Variants in MYCBP2 observed in about 807,000 individuals in gnomAD.
The protein encoded by MYCBP2 is E3 ubiquitin-protein ligase MYCBP2.
MYCBP2 carries 120 observed loss-of-function variants against 525.3 expected under a neutral mutation model. The ratio of observed to expected loss-of-function variants is 0.23; its 90% confidence interval spans 0.20 to 0.27. MYCBP2 has a LOEUF of 0.27. Ranked by LOEUF, MYCBP2 falls within the 10% of genes least tolerant of loss-of-function variation. The probability of loss-of-function intolerance (pLI) is 1.00; values close to 1 mark genes in which losing one functional copy is unlikely to be tolerated. For missense variants in MYCBP2, 4,149 were observed against 5,657.1 expected (o/e 0.73, Z 8.55); for synonymous variants, 1,894 against 1,955.8 (o/e 0.97, Z 0.83).
At chr13:77,065,868 T>C in intron 72 of MYCBP2, 124 bp downstream of exon 72, 1 of 562,228 alleles carries the variant, frequency 1.8e-6, no homozygotes, top group South Asian at 3.7e-5. Context: ...ATAGTTAACA[T>C]ACTACAAATA....
chr13:77,289,699 G>A (rs1014556075), intron 2 of MYCBP2, among the ~76,000 whole-genome samples: 1 of 151,818 alleles, frequency 6.6e-6, no homozygotes. Context: ...CTAGTGCAAG[G>A]AAAATATCCT....
chr13:77,309,852 G>T (rs1049873663), intron 1 of MYCBP2, among the ~76,000 whole-genome samples: 2 of 152,118 alleles, frequency 1.3e-5, no homozygotes, highest in South Asian at 4.1e-4. Context: ...AGTGGCTCAC[G>T]CCTGTAATCT....
chr13:77,109,443 G>T (rs1264414415), intron 55 of MYCBP2, among the ~76,000 whole-genome samples: 5 of 152,208 alleles, frequency 3.3e-5, no homozygotes, highest in African/African-American at 1.2e-4. Context: ...GTTCCTAACA[G>T]GCCTTGGACC....
At chr13:77,270,745 T>C (rs2074760052) in intron 5 of MYCBP2, among the ~76,000 whole-genome samples, 1 of 152,190 alleles carries the variant, frequency 6.6e-6, no homozygotes, top group Non-Finnish European at 1.5e-5. Context: ...TGGGATTCCA[T>C]GTCATTCACC....
At chr13:77,288,055 T>G in intron 3 of MYCBP2, 106 bp downstream of exon 3, 1 of 1,142,982 alleles carries the variant, frequency 8.7e-7, no homozygotes, top group Non-Finnish European at 1.2e-6. Flanking sequence ...ATTTTTAGTG[T>G]GCAATTTTAC....
rs1306291053 is a variant in MYCBP2, at chr13:77,185,312, A to C, written c.4510T>G (p.Leu1504Val). 4 of 1,613,884 alleles carry C rather than the reference A, an allele frequency of 2.5e-6. No individual in the cohort carries two copies. Among genetic ancestry groups the C allele is most frequent in the Non-Finnish European group, 3.4e-6 (4 of 1,180,002 alleles). Residue 1504 changes from leucine to valine, a missense_variant, in exon 32 of 83, where the codon TTG becomes GTG. By Grantham distance (32) the Leu-to-Val change is conservative (BLOSUM62 1). Coordinates refer to ENST00000544440, the MANE Select transcript of MYCBP2 (RefSeq NM_015057.5). The stretch of plus-strand genomic sequence containing the variant: ...CCTTCTGATAAAATTTTTCTTAACA[A>C]AGTTCTGGTTTTTCCAATACACTCT... ...LAECIGKTRTLLRKILSEGVD... is the reference protein window; with the variant it reads ...LAECIGKTRTVLRKILSEGVD...
intron 80 of MYCBP2, among the ~76,000 whole-genome samples, chr13:77,053,069 T>C (rs550431946): frequency 1.3e-5 from 2 of 150,484 alleles, no homozygotes; most frequent in South Asian, 4.2e-4. Flanking sequence ...GCCCAGGAGG[T>C]GGAGGCTGCA....
intron 4 of MYCBP2, among the ~76,000 whole-genome samples, chr13:77,275,199 TA>T (rs1418477560): frequency 6.6e-6 from 1 of 152,304 alleles, no homozygotes; most frequent in Non-Finnish European, 1.5e-5. Flanking sequence ...TTTAAACAAA[TA>T]ATTTAAGAAA....
chr13:77,296,205 A>T (rs754402179), intron 2 of MYCBP2, among the ~76,000 whole-genome samples: 4 of 152,128 alleles, frequency 2.6e-5, no homozygotes, highest in Non-Finnish European at 4.4e-5. Flanking sequence ...GGATTGCTTG[A>T]GCCCACGAGT....
chr13:77,280,267 G>C (rs1012985221), intron 3 of MYCBP2, among the ~76,000 whole-genome samples: 15 of 152,142 alleles, frequency 9.9e-5, no homozygotes, highest in African/African-American at 3.6e-4. Context: ...CTTGATTATA[G>C]CTAATATTAC....
intron 55 of MYCBP2, among the ~76,000 whole-genome samples, chr13:77,121,065 C>A (rs2050608726): frequency 6.6e-6 from 1 of 151,684 alleles, no homozygotes; most frequent in African/African-American, 2.4e-5. Context: ...TGATAAAAAT[C>A]AAATTTTACT....
chr13:77,130,776 A>G (rs1226314032), intron 52 of MYCBP2, among the ~76,000 whole-genome samples: 1 of 152,150 alleles, frequency 6.6e-6, no homozygotes, highest in African/African-American at 2.4e-5. Flanking sequence ...ACATAAAACA[A>G]TATCACTTTT....
intron 82 of MYCBP2, among the ~76,000 whole-genome samples, chr13:77,049,015 A>T (rs1417614137): frequency 6.6e-6 from 1 of 152,220 alleles, no homozygotes; most frequent in Admixed American, 6.5e-5. Flanking sequence ...AAGCTCCTCC[A>T]GGTCATATGG....
intron 52 of MYCBP2, among the ~76,000 whole-genome samples, chr13:77,133,222 G>A (rs1566652070): frequency 6.6e-6 from 1 of 152,044 alleles, no homozygotes; most frequent in Non-Finnish European, 1.5e-5. Flanking sequence ...TGTGATCCTG[G>A]GTGAGTGGCT....
intron 56 of MYCBP2, among the ~76,000 whole-genome samples, chr13:77,096,752 C>G (rs554695967): frequency 5.3e-5 from 8 of 152,110 alleles, no homozygotes; most frequent in African/African-American, 1.9e-4. Context: ...TTTAGATATA[C>G]TTAATTATGT....
intron 2 of MYCBP2, among the ~76,000 whole-genome samples, chr13:77,294,939 C>T (rs147733575): frequency 2.6e-5 from 4 of 152,238 alleles, no homozygotes; most frequent in Non-Finnish European, 4.4e-5. Context: ...CCCGTATCTC[C>T]GTGGTCAAAG....
chr13:77,121,478 G>C lies in MYCBP2; in HGVS notation c.8035C>G (p.Gln2679Glu). ...CTTGGAGGAGGAGTTTGAGAATTCT[G>C]ATCCAGAAGAGCTTGTTCTACAATA... is the stretch of plus-strand genomic sequence containing the variant. The part of the protein sequence containing the change: ...RHEDEQALLD[Q>E]NSQTPPPSPF... Residue 2679 changes from glutamine (Q) to glutamate (E), a missense_variant, in exon 55 of 83, where the codon CAG (glutamine) becomes GAG (glutamate). Gln to Glu is a conservative substitution (Grantham distance 29). Transcript: ENST00000544440. 2 of 1,579,886 alleles carry C rather than the reference G, an allele frequency of 1.3e-6. No homozygotes were observed. Among genetic ancestry groups the C allele is most frequent in the African/African-American group, 1.3e-5 (1 of 74,502 alleles).
chr13:77,219,607 G>A (rs1855404977), intron 20 of MYCBP2, among the ~76,000 whole-genome samples: 1 of 152,072 alleles, frequency 6.6e-6, no homozygotes, highest in Non-Finnish European at 1.5e-5. Context: ...GGACACAACA[G>A]GTTCCTCTTT....
intron 55 of MYCBP2, among the ~76,000 whole-genome samples, chr13:77,105,462 GA>G (rs1194184477): frequency 6.6e-6 from 1 of 151,878 alleles, no homozygotes; most frequent in Non-Finnish European, 1.5e-5. Flanking sequence ...AGCTGTTGCT[GA>G]AAACAACACA....
Sources: gnomAD v4.1 joint callset for allele counts (sites outside exome capture counted in the v4.1 genomes callset) on GRCh38, gnomAD v4.1.1 for gene constraint, MANE v1.5 for transcripts, NCBI Gene and HGNC (gene_info 2026-07-23, HGNC 2026-07-21) for gene names.